The following XAF1 variants were observed in gnomAD, a reference collection of about 807,000 sequenced individuals.
XAF1 encodes the protein XIAP associated factor 1.
XAF1 carries 32 observed loss-of-function variants against 32.3 expected under a neutral mutation model. That is an observed-to-expected ratio of 0.99 (90% CI 0.75 to 1.33). The LOEUF is 1.33. XAF1 is among the 40% of genes most tolerant of loss of function. The pLI is 0.00. For missense variants in XAF1, 379 were observed against 366.0 expected (o/e 1.04, Z -0.29); for synonymous variants, 120 against 125.9 (o/e 0.95, Z 0.31).
intron 5 of XAF1, among the ~76,000 whole-genome samples, chr17:6,764,817 T>G (rs1431919545): frequency 6.6e-6 from 1 of 152,190 alleles, no homozygotes; most frequent in African/African-American, 2.4e-5. Flanking sequence ...CCAGTCTGGC[T>G]CTCCATTTTA....
intron 2 of XAF1, chr17:6,759,147 C>A: frequency 9.8e-7 from 1 of 1,017,204 alleles, no homozygotes. Context: ...CATGGGAAGT[C>A]ATTTAGCCCC....
At chr17:6,759,760 C>T in intron 3 of XAF1, 42 bp downstream of exon 3, 1 of 1,613,666 alleles carries the variant, frequency 6.2e-7, no homozygotes. Context: ...CCAAATAGAC[C>T]AACCTGAGAA....
chr17:6,762,187 TA>T lies in XAF1; in HGVS notation c.455del (p.Tyr152SerfsTer8). ...ERISAPEREI[Y>X]CHYCNQMIPE... The stretch of plus-strand genomic sequence containing the variant: ...AATTTCAGCTCCTGAAAGGGAAATC[TA>T]CTGTCATTATTGCAACCAAATGATT... On this transcript the variant is annotated frameshift_variant, in exon 5 of 7. Coordinates refer to ENST00000361842, the MANE Select transcript of XAF1 (RefSeq NM_017523.5). LOFTEE classifies it high-confidence loss of function. 21 of 1,613,910 alleles carry T rather than the reference TA, an allele frequency of 1.3e-5. No individual in the cohort carries two copies. Among genetic ancestry groups the T allele is most frequent in the Non-Finnish European group, 1.5e-5 (18 of 1,179,872 alleles).
At chr17:6,759,891 TC>T in intron 3 of XAF1, 173 bp downstream of exon 3, 1 of 1,104,616 alleles carries the variant, frequency 9.1e-7, no homozygotes, top group Non-Finnish European at 1.3e-6. Context: ...GGTTCTCCTG[TC>T]CCCCAGATAC....
chr17:6,760,699 C>G, intron 4 of XAF1, 98 bp downstream of exon 4: 1 of 1,219,124 alleles, frequency 8.2e-7, no homozygotes, highest in Non-Finnish European at 1.1e-6. Flanking sequence ...GGACGGATGA[C>G]AAGTGTATTT....
intron 5 of XAF1, among the ~76,000 whole-genome samples, chr17:6,767,221 C>T (rs984589993): frequency 1.3e-5 from 2 of 152,060 alleles, no homozygotes; most frequent in Admixed American, 1.3e-4. Context: ...AAATTGATTA[C>T]AAAAACTTTC....
At chr17:6,759,791 G>A (rs1975031389) in intron 3 of XAF1, 73 bp downstream of exon 3, 2 of 1,610,662 alleles carry the variant, frequency 1.2e-6, no homozygotes, top group Non-Finnish European at 1.7e-6. Flanking sequence ...AGGGGAAACG[G>A]GAGGCCAGTA....
intron 6 of XAF1, 33 bp downstream of exon 6, chr17:6,771,017 G>A (rs777061562): frequency 6.2e-7 from 1 of 1,608,672 alleles, no homozygotes; most frequent in Non-Finnish European, 8.5e-7. Context: ...TTACCTTTCT[G>A]GGAACCATCC....
chr17:6,757,306 AG>A, intron 1 of XAF1: 1 of 152,462 alleles, frequency 6.6e-6, no homozygotes, highest in Middle Eastern at 3.4e-3. Context: ...CCCAGCCAAA[AG>A]GGGGCACTTC....
Position 6,760,208 on chromosome 17 carries a change from C to T in XAF1, c.226-198C>T, listed in dbSNP as rs541909488. On this transcript the variant is annotated intron_variant, in intron 3 of 6. Transcript: ENST00000361842. ...ACTAAAAGTACAAAAATTAGCTGGG[C>T]GTGGTGGCACACGCCTGTGGTCCCA... 5.9e-5 allele frequency among the ~76,000 whole-genome samples: 9 copies of T among 152,196 alleles called. 1 individual carries two copies. Among genetic ancestry groups the T allele is most frequent in the East Asian group, 1.9e-4 (1 of 5,170 alleles).
In XAF1 at chr17:6,763,489, G is replaced by A. The variant is rs576925163; in HGVS notation, c.507+1249G>A. ...GCTACAGGTGCCTGCCACCACGCCC[G>A]GCTAATTTTTGTATTTTTTTTTAGT... On this transcript the variant is annotated intron_variant, in intron 5 of 6. Coordinates refer to ENST00000361842, the MANE Select transcript of XAF1 (RefSeq NM_017523.5). Among the ~76,000 whole-genome samples, 16 of 152,138 alleles carry A rather than the reference G, an allele frequency of 1.1e-4. No homozygotes were observed. The South Asian group carries it at 2.1e-3, about 20-fold the overall frequency.
intron 2 of XAF1, chr17:6,759,273 A>T (rs1459947759): frequency 8.6e-7 from 1 of 1,156,414 alleles, no homozygotes; most frequent in Admixed American, 4.3e-5. Flanking sequence ...GATCTGGCAT[A>T]GGCAAGAGGT....
chr17:6,765,272 G>A (rs1975518508), intron 5 of XAF1, among the ~76,000 whole-genome samples: 2 of 152,112 alleles, frequency 1.3e-5, no homozygotes, highest in Admixed American at 1.3e-4. Context: ...ACTTAGCCGG[G>A]TGTGGTGGTG....
Position 6,773,102 on chromosome 17 carries a change from C to A in XAF1, c.850-11C>A. The A allele has an allele frequency of 6.3e-7, 1 of 1,599,620 alleles. No individual in the cohort carries two copies. Among genetic ancestry groups the A allele is most frequent in the South Asian group, 1.1e-5 (1 of 87,796 alleles). On this transcript the variant is annotated splice_polypyrimidine_tract_variant and intron_variant, in intron 6 of 6. Transcript: ENST00000361842. Reference sequence around the variant, plus strand: ...TAACCATATCAAACTTTTTTTATATCCATTTCTTAGGAGAAATGCCGGTGG... The same window carrying A: ...TAACCATATCAAACTTTTTTTATATACATTTCTTAGGAGAAATGCCGGTGG...
rs752489751 is a variant in XAF1, at chr17:6,762,169, G to A, written c.436G>A (p.Ala146Thr). ...TGCTTATTCAGGGGAAAGAATTTCA[G>A]CTCCTGAAAGGGAAATCTACTGTCA... is the stretch of plus-strand genomic sequence containing the variant. ...AQLGKGERISAPEREIYCHYC... is the reference protein window; with the variant it reads ...AQLGKGERISTPEREIYCHYC... Residue 146 changes from alanine (A) to threonine (T), a missense_variant, in exon 5 of 7, where the codon GCT (alanine) becomes ACT (threonine). By Grantham distance (58) the Ala-to-Thr change is moderately conservative (BLOSUM62 0). Coordinates refer to ENST00000361842, the MANE Select transcript of XAF1 (RefSeq NM_017523.5). 12 of 1,613,388 alleles carry A rather than the reference G, an allele frequency of 7.4e-6. No homozygotes were observed. The highest frequency in any genetic ancestry group is 1.0e-5 in the Non-Finnish European group (12 of 1,179,716).
At chr17:6,771,204 G>C (rs1976011232) in intron 6 of XAF1, 1 of 476,856 alleles carries the variant, frequency 2.1e-6, no homozygotes, top group African/African-American at 2.0e-5. Flanking sequence ...ACTCAAGCCA[G>C]GTCTTTGAAG....
intron 1 of XAF1, among the ~76,000 whole-genome samples, 178 bp from the exon 2 acceptor site, chr17:6,757,911 T>C (rs1312624765): frequency 2.6e-5 from 4 of 152,318 alleles, no homozygotes; most frequent in East Asian, 1.9e-4. Context: ...TATTAGATGC[T>C]GCCTCACTGT....
Position 6,770,894 on chromosome 17 carries a change from C to G in XAF1, c.759C>G (p.Ser253=). The G allele has an allele frequency of 6.2e-7, 1 of 1,614,146 alleles. No individual in the cohort carries two copies. Among genetic ancestry groups the G allele is most frequent in the Non-Finnish European group, 8.5e-7 (1 of 1,180,026 alleles). ...CAGAGCCCAAGCCCAGGACCAGCTCCCCTAGAGGAGATAAAGCAGCCTATG... is the reference window on the plus strand; with the variant it reads ...CAGAGCCCAAGCCCAGGACCAGCTCGCCTAGAGGAGATAAAGCAGCCTATG... ...LMSEPKPRTS[S]PRGDKAAYDI... The change falls in exon 6 of 7, where the codon TCC becomes TCG. Residue 253 remains serine, a synonymous_variant. Coordinates refer to ENST00000361842, the MANE Select transcript of XAF1 (RefSeq NM_017523.5).
rs115439945 is a variant in XAF1, at chr17:6,762,168, A to G, written c.435A>G (p.Ser145=). ...QAQLGKGERI[S]APEREIYCHY... is the part of the protein sequence containing the mutation. ...CTGCTTATTCAGGGGAAAGAATTTC[A>G]GCTCCTGAAAGGGAAATCTACTGTC... Residue 145 remains serine, a synonymous_variant, in exon 5 of 7, where the codon TCA becomes TCG. Coordinates refer to ENST00000361842, the MANE Select transcript of XAF1 (RefSeq NM_017523.5). 1,309 of 1,613,366 alleles carry G rather than the reference A, an allele frequency of 8.1e-4. 12 individuals carry two copies. In the African/African-American group the frequency reaches 0.015, roughly 18 times the overall value.
Sources: allele counts gnomAD v4.1 joint callset (sites outside exome capture counted in the v4.1 genomes callset), GRCh38; gene constraint gnomAD v4.1.1; transcripts MANE v1.5; gene names NCBI Gene and HGNC (gene_info 2026-07-23, HGNC 2026-07-21).